Variants in CDK17 observed in about 807,000 individuals in gnomAD.
CDK17 encodes cyclin dependent kinase 17.
In CDK17, 24 loss-of-function variants were observed where a neutral mutation model predicts 77.6. That is an observed-to-expected ratio of 0.31 (90% CI 0.22 to 0.44). CDK17 has a LOEUF of 0.44. Among genes scored for constraint, CDK17 ranks in the 20% least tolerant of loss-of-function variants. CDK17 has a pLI of 1.00. For synonymous variants in CDK17, 203 were observed against 210.4 expected (o/e 0.96, Z 0.30); for missense variants, 429 against 622.5 (o/e 0.69, Z 3.31).
intron 3 of CDK17, among the ~76,000 whole-genome samples, chr12:96,317,747 C>A (rs1952752542): frequency 6.9e-6 from 1 of 145,962 alleles, no homozygotes; most frequent in Admixed American, 6.9e-5. Context: ...CAAGCAAATG[C>A]TGAGAGATTT....
intron 1 of CDK17, among the ~76,000 whole-genome samples, chr12:96,391,308 G>C (rs975111171): frequency 7.5e-6 from 1 of 134,018 alleles, no homozygotes; most frequent in African/African-American, 2.8e-5. Flanking sequence ...TTTTTTTTTT[G>C]AAACAGAGTC....
intron 1 of CDK17, among the ~76,000 whole-genome samples, chr12:96,363,281 T>C (rs1207172574): frequency 6.6e-6 from 1 of 151,432 alleles, no homozygotes; most frequent in African/African-American, 2.4e-5. Flanking sequence ...TGAAACCCCG[T>C]CTCTACTAAA....
At chr12:96,337,960 C>A (rs900929580) in intron 1 of CDK17, among the ~76,000 whole-genome samples, 1 of 152,186 alleles carries the variant, frequency 6.6e-6, no homozygotes, top group African/African-American at 2.4e-5. Context: ...ATAAGAGTGT[C>A]TCTACATAAC....
rs915195380 is a variant in CDK17 at position 96,400,059 on chromosome 12, C to G, written c.-103G>C. The G allele has an allele frequency of 7.7e-6, 3 of 388,452 alleles. No homozygotes were observed. The highest frequency in any genetic ancestry group is 1.4e-5 in the Non-Finnish European group (3 of 219,896). The allele number at this position is 388,452 out of a possible 1,614,324, so 24.1% of individuals were successfully genotyped here. A position where few individuals can be genotyped will look rare whatever the true frequency, so the allele number is the denominator to read the frequency against. On this transcript the variant is annotated 5_prime_UTR_variant, in exon 1 of 17. Coordinates refer to ENST00000261211, the MANE Select transcript of CDK17 (RefSeq NM_002595.5). ...GGGGGGAAGCTGCTCCGCGGACGCC[C>G]GCGGCGACCGGATGCAAGTCCGGGT...
intron 11 of CDK17, among the ~76,000 whole-genome samples, chr12:96,287,081 C>T (rs1197707069): frequency 6.6e-6 from 1 of 152,158 alleles, no homozygotes; most frequent in African/African-American, 2.4e-5. Flanking sequence ...AATTATCTCA[C>T]TGAATCCTTG....
intron 1 of CDK17, among the ~76,000 whole-genome samples, chr12:96,346,137 G>T (rs1389688785): frequency 6.6e-6 from 1 of 152,062 alleles, no homozygotes; most frequent in Non-Finnish European, 1.5e-5. Context: ...GGCCAACATG[G>T]TGAAATCCCA....
rs1455569083 is a variant in CDK17, at chr12:96,283,620, T to C, written c.1348A>G (p.Ile450Val). 2.5e-6 allele frequency: 4 copies of C among 1,600,064 alleles called. No individual in the cohort carries two copies. The highest frequency in any genetic ancestry group is 2.2e-5 in the East Asian group (1 of 44,734). Residue 450 changes from isoleucine (I) to valine (V), a missense_variant, in exon 14 of 17, where the codon ATA (isoleucine) becomes GTA (valine). Ile to Val is a conservative substitution (Grantham distance 29). Coordinates refer to ENST00000261211, the MANE Select transcript of CDK17 (RefSeq NM_002595.5). ...TGACTTACCTGAAGAAATTTTGTTA[T>C]CAACTCAATTCCTTCAGAGTCTAAC... The part of the protein sequence containing the change: ...PRLDSEGIEL[I>V]TKFLQYESKK...
intron 1 of CDK17, among the ~76,000 whole-genome samples, chr12:96,351,488 C>T (rs542245476): frequency 6.6e-6 from 1 of 152,228 alleles, no homozygotes; most frequent in East Asian, 1.9e-4. Flanking sequence ...CTGACATATG[C>T]TACAACACAG....
At chr12:96,368,307 G>T (rs1415507842) in intron 1 of CDK17, among the ~76,000 whole-genome samples, 2 of 152,188 alleles carry the variant, frequency 1.3e-5, no homozygotes, top group Admixed American at 1.3e-4. Flanking sequence ...TAGATGTTAG[G>T]AAGTGACTGA....
At chr12:96,360,478 C>A (rs999771278) in intron 1 of CDK17, among the ~76,000 whole-genome samples, 5 of 152,030 alleles carry the variant, frequency 3.3e-5, no homozygotes, top group African/African-American at 2.4e-5. Context: ...ATCTTTGATA[C>A]CAGGTTAAGA....
chr12:96,379,589 C>T (rs1204184110), intron 1 of CDK17, among the ~76,000 whole-genome samples: 1 of 151,922 alleles, frequency 6.6e-6, no homozygotes, highest in Non-Finnish European at 1.5e-5. Flanking sequence ...CTATGCCTGG[C>T]TAATTTCTTA....
At chr12:96,329,491 G>A (rs1565822388) in intron 2 of CDK17, among the ~76,000 whole-genome samples, 1 of 151,996 alleles carries the variant, frequency 6.6e-6, no homozygotes, top group Non-Finnish European at 1.5e-5. Context: ...CGTGAACTAT[G>A]ATCAGGAACA....
chr12:96,374,985 G>A lies in CDK17; in HGVS notation c.-30+25001C>T, dbSNP rs370753099. Among the ~76,000 whole-genome samples the A allele has an allele frequency of 5.3e-5, 8 of 152,084 alleles. No homozygotes were observed. The East Asian group carries it at 1.5e-3, about 29-fold the overall frequency. ...CACACAACAGAACAGTTTGATCAGC[G>A]AACCTAAATGGGCCTCAACACTGGC... On this transcript the variant is annotated intron_variant, in intron 1 of 16. Coordinates refer to ENST00000261211, the MANE Select transcript of CDK17 (RefSeq NM_002595.5).
At chr12:96,289,312 G>C (rs1282469796) in intron 10 of CDK17, 25 bp from the exon 11 acceptor site, 4 of 1,612,830 alleles carry the variant, frequency 2.5e-6, no homozygotes, top group Admixed American at 1.7e-5. Context: ...TAAAACAAAG[G>C]GTTAAGAAAA....
At chr12:96,369,694 G>A (rs1017405880) in intron 1 of CDK17, among the ~76,000 whole-genome samples, 5 of 152,172 alleles carry the variant, frequency 3.3e-5, no homozygotes, top group Non-Finnish European at 7.4e-5. Context: ...CATGAGAATC[G>A]TTTGAACCCG....
At chr12:96,318,346 A>G (rs1592724847) in intron 3 of CDK17, among the ~76,000 whole-genome samples, 1 of 148,164 alleles carries the variant, frequency 6.7e-6, no homozygotes. Context: ...ACACATTAAT[A>G]ATGGGAGACT....
rs1220810494 is a variant in CDK17 at position 96,381,338 on chromosome 12, T to C, written c.-30+18648A>G. ...TAAGTTTTGAGTTTACATTGTTTCA[T>C]CCCATGTACAAAACCATTTTTTCCT... is the stretch of plus-strand genomic sequence containing the variant. On this transcript the variant is annotated intron_variant, in intron 1 of 16. Coordinates refer to ENST00000261211, the MANE Select transcript of CDK17 (RefSeq NM_002595.5). Among the ~76,000 whole-genome samples, 5 of 146,284 alleles carry C rather than the reference T, an allele frequency of 3.4e-5. No homozygotes were observed. In the East Asian group the frequency reaches 1.0e-3, roughly 29 times the overall value.
intron 5 of CDK17, among the ~76,000 whole-genome samples, chr12:96,307,639 G>A (rs1952592752): frequency 6.6e-6 from 1 of 152,138 alleles, no homozygotes; most frequent in Non-Finnish European, 1.5e-5. Context: ...GGGAGGCTGA[G>A]GCAGGTGGAT....
At chr12:96,340,889 T>C (rs1199259898) in intron 1 of CDK17, among the ~76,000 whole-genome samples, 1 of 152,192 alleles carries the variant, frequency 6.6e-6, no homozygotes, top group Non-Finnish European at 1.5e-5. Flanking sequence ...ATGTTTGTTA[T>C]AGAGGTAAAC....
Sources: gnomAD v4.1 joint callset for allele counts (sites outside exome capture counted in the v4.1 genomes callset) on GRCh38, gnomAD v4.1.1 for gene constraint, MANE v1.5 for transcripts, NCBI Gene and HGNC (gene_info 2026-07-23, HGNC 2026-07-21) for gene names.